The following GMFG variants were observed in gnomAD, a reference collection of about 807,000 sequenced individuals.
GMFG encodes the protein glia maturation factor gamma.
Under a neutral mutation model 26.1 loss-of-function variants are expected in GMFG, and 21 were observed. The observed-to-expected ratio is 0.80, with a 90% CI of 0.57 to 1.16. The LOEUF is 1.16. Among genes scored for constraint, GMFG ranks in the 50% most tolerant of loss-of-function variants. GMFG has a pLI of 0.00. For missense variants in GMFG, 161 were observed against 178.3 expected, an observed-to-expected ratio of 0.90 and a Z score of 0.55; for synonymous variants, 65 against 60.8, an observed-to-expected ratio of 1.07 and a Z score of -0.32.
intron 4 of GMFG, among the ~76,000 whole-genome samples, chr19:39,332,572 AT>A (rs1246548205): frequency 1.3e-5 from 2 of 151,606 alleles, no homozygotes; most frequent in Non-Finnish European, 2.9e-5. Context: ...ATCATAAATA[AT>A]CGGTATAAAA....
intron 4 of GMFG, among the ~76,000 whole-genome samples, chr19:39,330,882 G>A (rs1600491605): frequency 6.6e-6 from 1 of 152,050 alleles, no homozygotes; most frequent in Non-Finnish European, 1.5e-5. Flanking sequence ...TTACAGGCAT[G>A]AGCCACTGCG....
intron 4 of GMFG, 179 bp downstream of exon 4, chr19:39,332,898 A>C: frequency 2.4e-6 from 1 of 422,714 alleles, no homozygotes; most frequent in Non-Finnish European, 4.4e-6. Flanking sequence ...ACCTCAAGTG[A>C]TCCACCCTCC....
chr19:39,330,668 C>T (rs1346584426), intron 4 of GMFG, among the ~76,000 whole-genome samples: 1 of 151,068 alleles, frequency 6.6e-6, no homozygotes, highest in Non-Finnish European at 1.5e-5. Flanking sequence ...GTGGTCTCAG[C>T]TCATTGCAGC....
chr19:39,330,131 ATAGG>A lies in GMFG; in HGVS notation c.201-509_201-506del, dbSNP rs569858583. ...ATTTGACTCACAATTACTTTATAAT[ATAGG>A]TGCTATTAATATCCCCATCGTACAG... is the stretch of plus-strand genomic sequence containing the variant. On this transcript the variant is annotated intron_variant, in intron 4 of 6. Coordinates refer to ENST00000597595, the MANE Select transcript of GMFG (RefSeq NM_004877.4). Among the ~76,000 whole-genome samples, 20 of 152,308 alleles carry A rather than the reference ATAGG, an allele frequency of 1.3e-4. No homozygotes were observed. In the East Asian group the frequency reaches 3.7e-3, roughly 28 times the overall value.
chr19:39,330,845 C>T (rs2075223506), intron 4 of GMFG, among the ~76,000 whole-genome samples: 1 of 152,114 alleles, frequency 6.6e-6, no homozygotes, highest in African/African-American at 2.4e-5. Context: ...AGTGATCTGT[C>T]CACCTCAGCC....
chr19:39,332,333 CAAA>C (rs575743761), intron 4 of GMFG, among the ~76,000 whole-genome samples: 4 of 115,476 alleles, frequency 3.5e-5, no homozygotes, highest in Admixed American at 9.3e-5. Context: ...CTGTCTCTAA[CAAA>C]AAAAAAAAAA....
intron 3 of GMFG, among the ~76,000 whole-genome samples, chr19:39,334,056 G>A (rs1341613547): frequency 4.6e-5 from 6 of 129,212 alleles, no homozygotes; most frequent in African/African-American, 1.4e-4. Flanking sequence ...AGAGTCTGTC[G>A]CCCAGGCTGG....
intron 4 of GMFG, among the ~76,000 whole-genome samples, chr19:39,332,532 CAAA>C (rs200680238): frequency 1.7e-5 from 1 of 57,344 alleles, no homozygotes; most frequent in Non-Finnish European, 3.9e-5. Context: ...AAAGTTTGTA[CAAA>C]AAAAAAAAAA....
intron 1 of GMFG, 53 bp from the exon 2 acceptor site, chr19:39,335,584 C>A: frequency 8.5e-7 from 1 of 1,181,216 alleles, no homozygotes; most frequent in South Asian, 1.2e-5. Context: ...GCCCTCACCC[C>A]TTCCCCAAAC....
intron 4 of GMFG, among the ~76,000 whole-genome samples, chr19:39,331,524 G>A (rs1600491880): frequency 6.6e-6 from 1 of 152,272 alleles, no homozygotes; most frequent in East Asian, 1.9e-4. Context: ...TAGCAGACCA[G>A]TTTTCACAGA....
chr19:39,334,725 C>T (rs1038608960), intron 3 of GMFG, among the ~76,000 whole-genome samples: 1 of 152,116 alleles, frequency 6.6e-6, no homozygotes, highest in Admixed American at 6.6e-5. Flanking sequence ...TAAAAACAAG[C>T]CTATGAGATA....
rs145583297 is a variant in GMFG at position 39,331,225 on chromosome 19, G to A, written c.201-1599C>T. 1.1e-4 allele frequency among the ~76,000 whole-genome samples: 17 copies of A among 152,254 alleles called. No homozygotes were observed. The East Asian group carries it at 3.3e-3, about 29-fold the overall frequency. ...GGTCACTGGGTGGGTGCAGAGAGTG[G>A]GTGGCTGAGAACCTGTTCAGGGAGG... On this transcript the variant is annotated intron_variant, in intron 4 of 6. Transcript: ENST00000597595.
intron 4 of GMFG, among the ~76,000 whole-genome samples, chr19:39,332,356 C>G (rs1313921410): frequency 2.0e-5 from 3 of 150,228 alleles, no homozygotes; most frequent in Admixed American, 6.6e-5. Flanking sequence ...AAAATAGAGA[C>G]AAGGTCTTGC....
chr19:39,328,881 A>AAAAAAC (rs568393664), intron 6 of GMFG, 119 bp downstream of exon 6: 6 of 818,488 alleles, frequency 7.3e-6, no homozygotes, highest in East Asian at 2.5e-5. Context: ...CAGTTCTTTA[A>AAAAAAC]AAAAACAAAA....
intron 4 of GMFG, among the ~76,000 whole-genome samples, chr19:39,332,629 G>T (rs1600492420): frequency 7.0e-6 from 1 of 143,288 alleles, no homozygotes. Flanking sequence ...TCTAGAGTAT[G>T]AACTCTTGGC....
At position 39,329,592 on chromosome 19, in the gene GMFG, C is replaced by T. The variant is rs777642468; in HGVS notation, c.235G>A (p.Asp79Asn). ...CACAAAGGGTAGGACACTCGGCCATCGTCATGCACGTACTTGTAGCTGTAA... is the reference window on the plus strand; with the variant it reads ...CACAAAGGGTAGGACACTCGGCCATTGTCATGCACGTACTTGTAGCTGTAA... ...VVYSYKYVHDDGRVSYPLCFI... is the reference protein window; with the variant it reads ...VVYSYKYVHDNGRVSYPLCFI... Residue 79 changes from aspartate to asparagine, a missense_variant, in exon 5 of 7, where the codon GAT becomes AAT. Physicochemically the swap from Asp to Asn is conservative, Grantham distance 23 (BLOSUM62 1). Coordinates refer to ENST00000597595, the MANE Select transcript of GMFG (RefSeq NM_004877.4). 1.9e-6 allele frequency: 3 copies of T among 1,611,356 alleles called. No homozygotes were observed. The highest frequency in any genetic ancestry group is 2.5e-6 in the Non-Finnish European group (3 of 1,177,662).
chr19:39,328,593 A>C (rs750041309), intron 6 of GMFG, 45 bp from the exon 7 acceptor site: 1 of 1,445,478 alleles, frequency 6.9e-7, no homozygotes, highest in Admixed American at 1.7e-5. Flanking sequence ...TCAAACACTG[A>C]GACAGTGGCT....
At position 39,335,584 on chromosome 19, in the gene GMFG, C is replaced by G. The variant is rs2075246316; in HGVS notation, c.4-53G>C. 3.4e-6 allele frequency: 4 copies of G among 1,181,218 alleles called. No individual in the cohort carries two copies. In the East Asian group the frequency reaches 9.3e-5, roughly 28 times the overall value. 73.2% of individuals were successfully genotyped at this position (1,181,218 alleles called of 1,614,324 possible). On this transcript the variant is annotated intron_variant, in intron 1 of 6. Transcript: ENST00000597595. ...AATGGCCTGGCCTCAGCCCTCACCCCTTCCCCAAACCTGTTTCTCCATCCA... is the reference window on the plus strand; with the variant it reads ...AATGGCCTGGCCTCAGCCCTCACCCGTTCCCCAAACCTGTTTCTCCATCCA...
At chr19:39,332,942 A>G (rs1015038483) in intron 4 of GMFG, 135 bp downstream of exon 4, 7 of 507,714 alleles carry the variant, frequency 1.4e-5, no homozygotes, top group Non-Finnish European at 2.2e-5. Flanking sequence ...TACAGGGATG[A>G]GCCACCTCAC....
Sources: gnomAD v4.1 joint callset for allele counts (sites outside exome capture counted in the v4.1 genomes callset) on GRCh38, gnomAD v4.1.1 for gene constraint, MANE v1.5 for transcripts, NCBI Gene and HGNC (gene_info 2026-07-23, HGNC 2026-07-21) for gene names.